Variants in SCFD1 observed in about 807,000 individuals in gnomAD.
The protein encoded by SCFD1 is sec1 family domain-containing protein 1.
SCFD1 carries 37 observed loss-of-function variants against 103.2 expected under a neutral mutation model. That is an observed-to-expected ratio of 0.36 (90% CI 0.28 to 0.47). SCFD1 has a LOEUF of 0.47. Among genes scored for constraint, SCFD1 ranks in the 20% least tolerant of loss-of-function variants. SCFD1 has a pLI of 1.00. For synonymous variants in SCFD1, 264 were observed against 245.0 expected (o/e 1.08, Z -0.73); for missense variants, 639 against 761.2 (o/e 0.84, Z 1.89).
chr14:30,663,545 G>T (rs185771932), intron 10 of SCFD1, among the ~76,000 whole-genome samples: 2 of 152,274 alleles, frequency 1.3e-5, no homozygotes, highest in East Asian at 3.9e-4. Flanking sequence ...AATATGAGGG[G>T]TCTATAGGAA....
chr14:30,679,188 CTTA>C (rs1298417306), intron 14 of SCFD1, among the ~76,000 whole-genome samples: 1 of 151,906 alleles, frequency 6.6e-6, no homozygotes, highest in Admixed American at 6.6e-5. Context: ...TAACAATTTC[CTTA>C]TTATCATCTT....
intron 20 of SCFD1, among the ~76,000 whole-genome samples, chr14:30,716,813 C>G (rs1471387245): frequency 6.6e-6 from 1 of 151,770 alleles, no homozygotes; most frequent in Non-Finnish European, 1.5e-5. Context: ...TTTTAAAATT[C>G]ACTGGTGTGA....
chr14:30,622,530 C>A, intron 1 of SCFD1, 131 bp downstream of exon 1: 2 of 1,403,980 alleles, frequency 1.4e-6, no homozygotes, highest in Non-Finnish European at 1.9e-6. Context: ...GAGCCCCTCC[C>A]CTTTGAGTTT....
chr14:30,702,086 G>T (rs1339654771), intron 16 of SCFD1, among the ~76,000 whole-genome samples: 2 of 152,108 alleles, frequency 1.3e-5, no homozygotes, highest in Non-Finnish European at 2.9e-5. Context: ...AGGTGATTTG[G>T]GAGCCTCTTA....
intron 14 of SCFD1, among the ~76,000 whole-genome samples, chr14:30,677,942 C>T (rs748548435): frequency 3.5e-5 from 5 of 144,660 alleles, no homozygotes; most frequent in South Asian, 2.2e-4. Flanking sequence ...TGGGTTCAAG[C>T]GATTCTTCTG....
At chr14:30,634,362 A>T (rs1488110968) in intron 4 of SCFD1, among the ~76,000 whole-genome samples, 1 of 152,178 alleles carries the variant, frequency 6.6e-6, no homozygotes, top group Non-Finnish European at 1.5e-5. Context: ...TTTCTGTAAT[A>T]TATTTCATTA....
chr14:30,713,238 T>C (rs890109990), intron 19 of SCFD1, among the ~76,000 whole-genome samples: 2 of 152,236 alleles, frequency 1.3e-5, no homozygotes, highest in Non-Finnish European at 2.9e-5. Context: ...AAAGACATTA[T>C]GTATTTTTTA....
chr14:30,718,089 T>C (rs186895450), intron 20 of SCFD1, among the ~76,000 whole-genome samples: 198 of 152,294 alleles, frequency 1.3e-3, no homozygotes, highest in African/African-American at 4.5e-3. Context: ...ACCATTATGC[T>C]GTATTGATTA....
In SCFD1 at chr14:30,723,295, T is replaced by C. The variant is rs538171002; in HGVS notation, c.1836+736T>C. ...AAACAAATAACTACTCTTGGGAGTC[T>C]ATCTGTTTCATAGGACACGCTTCAT... On this transcript the variant is annotated intron_variant, in intron 23 of 24. Coordinates refer to ENST00000458591, the MANE Select transcript of SCFD1 (RefSeq NM_016106.4). 2.6e-5 allele frequency among the ~76,000 whole-genome samples: 4 copies of C among 152,332 alleles called. No homozygotes were observed. In the East Asian group the frequency reaches 7.7e-4, roughly 29 times the overall value.
intron 14 of SCFD1, among the ~76,000 whole-genome samples, chr14:30,682,655 CA>C (rs1376677728): frequency 6.6e-6 from 1 of 151,964 alleles, no homozygotes; most frequent in Non-Finnish European, 1.5e-5. Context: ...TGACATATAC[CA>C]ACCATAGATG....
intron 18 of SCFD1, among the ~76,000 whole-genome samples, chr14:30,707,417 C>T (rs1891544466): frequency 6.6e-6 from 1 of 152,124 alleles, no homozygotes; most frequent in South Asian, 2.1e-4. Flanking sequence ...GCAAAATTCG[C>T]TAAGTCTGTT....
intron 6 of SCFD1, among the ~76,000 whole-genome samples, chr14:30,641,620 A>C (rs1885285563): frequency 6.6e-6 from 1 of 152,246 alleles, no homozygotes; most frequent in Non-Finnish European, 1.5e-5. Context: ...GAATTCACAT[A>C]ATGCAAATTG....
At chr14:30,658,386 A>G (rs1318367715) in intron 10 of SCFD1, 1 of 152,420 alleles carries the variant, frequency 6.6e-6, no homozygotes, top group Non-Finnish European at 1.4e-5. Context: ...TTTATTTTTT[A>G]TTTTATTTAT....
intron 10 of SCFD1, among the ~76,000 whole-genome samples, chr14:30,655,741 T>C (rs1427257896): frequency 6.6e-6 from 1 of 152,216 alleles, no homozygotes; most frequent in East Asian, 1.9e-4. Flanking sequence ...TCCAAGGTTT[T>C]AGCCTTTGCA....
intron 3 of SCFD1, 31 bp from the exon 4 acceptor site, chr14:30,633,912 TAAAA>T (rs747563225): frequency 1.6e-6 from 2 of 1,266,728 alleles, no homozygotes; most frequent in South Asian, 2.7e-5. Flanking sequence ...AATAAGTGAA[TAAAA>T]AAATAAGTTT....
At chr14:30,723,813 G>T (rs1281739125) in intron 23 of SCFD1, among the ~76,000 whole-genome samples, 2 of 152,082 alleles carry the variant, frequency 1.3e-5, no homozygotes, top group African/African-American at 4.8e-5. Flanking sequence ...GGACATTTAG[G>T]TTGATTCCAT....
intron 19 of SCFD1, among the ~76,000 whole-genome samples, chr14:30,710,976 T>C (rs1352065560): frequency 6.6e-6 from 1 of 152,226 alleles, no homozygotes; most frequent in Non-Finnish European, 1.5e-5. Context: ...TTATAAGAGC[T>C]TTTTATACCT....
Position 30,719,391 on chromosome 14 carries a change from G to A in SCFD1, c.1736+14G>A, listed in dbSNP as rs753215302. The A allele has an allele frequency of 6.3e-7, 1 of 1,597,874 alleles. No individual in the cohort carries two copies. Among genetic ancestry groups the A allele is most frequent in the Admixed American group, 1.7e-5 (1 of 58,190 alleles). On this transcript the variant is annotated intron_variant, in intron 21 of 24. Transcript: ENST00000458591. ...GGGCAATGACAGGTAAGCAGCTTTTGTCTTGTTTAACTTGTGGATTTTTTC... is the reference window on the plus strand; with the variant it reads ...GGGCAATGACAGGTAAGCAGCTTTTATCTTGTTTAACTTGTGGATTTTTTC...
Position 30,702,387 on chromosome 14 carries a change from T to G in SCFD1, c.1490+12T>G. ...ATCAAACAGTGGAAGTAAGTTTTAT[T>G]TTCTTCTTTAATTCCTGTCATTTAA... On this transcript the variant is annotated intron_variant, in intron 17 of 24. Transcript: ENST00000458591. 6.7e-7 allele frequency: 1 copy of G among 1,498,442 alleles called. No individual in the cohort carries two copies. Among genetic ancestry groups the G allele is most frequent in the Non-Finnish European group, 9.1e-7 (1 of 1,096,158 alleles). 92.8% of individuals were successfully genotyped at this position (1,498,442 alleles called of 1,614,324 possible).
Sources: gnomAD v4.1 joint callset for allele counts (sites outside exome capture counted in the v4.1 genomes callset) on GRCh38, gnomAD v4.1.1 for gene constraint, MANE v1.5 for transcripts, NCBI Gene and HGNC (gene_info 2026-07-23, HGNC 2026-07-21) for gene names.